Variants in NKAIN3 observed in about 807,000 individuals in gnomAD.
NKAIN3 encodes sodium/potassium transporting ATPase interacting 3, also known as sodium/potassium-transporting ATPase subunit beta-1-interacting protein 3.
In NKAIN3, 25 loss-of-function variants were observed where a neutral mutation model predicts 30.2. That is an observed-to-expected ratio of 0.83 (90% CI 0.60 to 1.16). The LOEUF (loss-of-function observed/expected upper bound fraction) is 1.16, where lower values mean the gene tolerates loss of function less well. Ranked by LOEUF, NKAIN3 falls within the 50% of genes most tolerant of loss-of-function variation. The pLI is 0.00. For synonymous variants in NKAIN3, 91 were observed against 89.6 expected (o/e 1.02, Z -0.09); for missense variants, 225 against 254.1 (o/e 0.89, Z 0.78).
At chr8:62,760,777 T>G (rs115357742) in intron 4 of NKAIN3, among the ~76,000 whole-genome samples, 2,534 of 151,496 alleles carry the variant, frequency 0.017, 66 homozygotes, top group African/African-American at 0.059. Context: ...AAAGTATAAT[T>G]TAAAAAAAGG....
chr8:62,533,875 A>C (rs1808561847), intron 1 of NKAIN3, among the ~76,000 whole-genome samples: 1 of 152,184 alleles, frequency 6.6e-6, no homozygotes, highest in Non-Finnish European at 1.5e-5. Context: ...CTTATTCTGC[A>C]ATATCATCCA....
chr8:62,249,137 C>A lies in NKAIN3; in HGVS notation c.54+10C>A, dbSNP rs1428980066. 1 of 1,532,158 alleles carries A rather than the reference C, an allele frequency of 6.5e-7. No individual in the cohort carries two copies. Among genetic ancestry groups the A allele is most frequent in the Admixed American group, 2.0e-5 (1 of 49,994 alleles). The allele number at this position is 1,532,158 out of a possible 1,614,324, so 94.9% of individuals were successfully genotyped here. A position where few individuals can be genotyped will look rare whatever the true frequency, so the allele number is the denominator to read the frequency against. ...CTGCGCGCTGCAGTTGGTGAGTGCC[C>A]CGAGGGCCCCTGCCCCAGGACAGGT... On this transcript the variant is annotated intron_variant, in intron 1 of 6. Transcript: ENST00000623646.
At chr8:62,316,152 C>G (rs1434067526) in intron 1 of NKAIN3, among the ~76,000 whole-genome samples, 1 of 152,076 alleles carries the variant, frequency 6.6e-6, no homozygotes, top group African/African-American at 2.4e-5. Context: ...GAGGCCTCCC[C>G]AGCCCTACAG....
chr8:62,384,958 A>C (rs1350639076), intron 1 of NKAIN3, among the ~76,000 whole-genome samples: 1 of 151,966 alleles, frequency 6.6e-6, no homozygotes, highest in African/African-American at 2.4e-5. Flanking sequence ...ACTACACAGA[A>C]CTCCTGCTTG....
chr8:62,889,211 A>C (rs1362709158), intron 4 of NKAIN3, among the ~76,000 whole-genome samples: 1 of 152,042 alleles, frequency 6.6e-6, no homozygotes, highest in Non-Finnish European at 1.5e-5. Context: ...TCTACTAAAA[A>C]TGCAAAAAAT....
chr8:62,492,651 C>T (rs549107544), intron 1 of NKAIN3, among the ~76,000 whole-genome samples: 1 of 152,238 alleles, frequency 6.6e-6, no homozygotes, highest in Admixed American at 6.5e-5. Context: ...GTGGAAATGT[C>T]AGCAATACAA....
At chr8:62,376,165 A>G (rs1424324996) in intron 1 of NKAIN3, among the ~76,000 whole-genome samples, 1 of 152,178 alleles carries the variant, frequency 6.6e-6, no homozygotes, top group Non-Finnish European at 1.5e-5. Context: ...AGACACAGGG[A>G]GCTTCTCTGA....
intron 5 of NKAIN3, chr8:62,990,298 G>A: frequency 1.4e-6 from 2 of 1,433,642 alleles, no homozygotes; most frequent in African/African-American, 2.9e-5. Flanking sequence ...CCTAAGAACT[G>A]AGGTGATGCA....
At chr8:62,826,005 A>G (rs565456871) in intron 4 of NKAIN3, among the ~76,000 whole-genome samples, 2 of 152,306 alleles carry the variant, frequency 1.3e-5, no homozygotes, top group South Asian at 2.1e-4. Context: ...AGTTCTAACA[A>G]GTGCCTCACT....
intron 1 of NKAIN3, among the ~76,000 whole-genome samples, chr8:62,299,180 G>A (rs985789357): frequency 1.3e-5 from 2 of 151,952 alleles, no homozygotes; most frequent in African/African-American, 4.8e-5. Flanking sequence ...AAAATTTGTT[G>A]TTCTATCATT....
intron 6 of NKAIN3, among the ~76,000 whole-genome samples, chr8:62,954,977 G>T (rs1052117739): frequency 2.6e-5 from 4 of 152,132 alleles, no homozygotes; most frequent in African/African-American, 9.7e-5. Flanking sequence ...GGCGATAGAA[G>T]AAATTATGTA....
At chr8:62,756,853 C>G (rs893735783) in intron 4 of NKAIN3, among the ~76,000 whole-genome samples, 3 of 152,138 alleles carry the variant, frequency 2.0e-5, no homozygotes, top group Non-Finnish European at 4.4e-5. Context: ...TATGCCATCG[C>G]TAAACAACAG....
At chr8:62,986,690 C>T (rs1824206377), downstream of NKAIN3, among the ~76,000 whole-genome samples, 1 of 152,170 alleles carries the variant, frequency 6.6e-6, no homozygotes, top group South Asian at 2.1e-4. Context: ...ACTGCCATTG[C>T]ATTTATTATG....
intron 4 of NKAIN3, among the ~76,000 whole-genome samples, chr8:62,915,234 G>C (rs1442729192): frequency 6.6e-6 from 1 of 152,122 alleles, no homozygotes; most frequent in Non-Finnish European, 1.5e-5. Context: ...ATAAATCATT[G>C]CACATGGCAA....
intron 1 of NKAIN3, among the ~76,000 whole-genome samples, chr8:62,566,694 C>T (rs775659205): frequency 1.3e-5 from 2 of 152,010 alleles, no homozygotes; most frequent in Non-Finnish European, 2.9e-5. Context: ...CTCTGGACTC[C>T]AGAGACACCA....
intron 1 of NKAIN3, among the ~76,000 whole-genome samples, chr8:62,429,809 T>A (rs1217182610): frequency 6.6e-6 from 1 of 151,922 alleles, no homozygotes; most frequent in African/African-American, 2.4e-5. Context: ...ACCAATTTTT[T>A]AATTATTTTT....
intron 4 of NKAIN3, among the ~76,000 whole-genome samples, chr8:62,884,755 G>A (rs1821093717): frequency 6.6e-6 from 1 of 152,074 alleles, no homozygotes; most frequent in Non-Finnish European, 1.5e-5. Context: ...GGTTTATCTA[G>A]GTGGTCCAAT....
intron 1 of NKAIN3, among the ~76,000 whole-genome samples, chr8:62,253,663 T>C (rs1167604915): frequency 6.6e-6 from 1 of 152,210 alleles, no homozygotes; most frequent in Non-Finnish European, 1.5e-5. Flanking sequence ...AAACGAAGTT[T>C]AGTTAACTTC....
At chr8:62,388,176 A>G (rs987358346) in intron 1 of NKAIN3, among the ~76,000 whole-genome samples, 2 of 152,238 alleles carry the variant, frequency 1.3e-5, no homozygotes, top group African/African-American at 4.8e-5. Flanking sequence ...GTGAATCAAC[A>G]TTTACATTCC....
Sources: gnomAD v4.1 joint callset for allele counts (sites outside exome capture counted in the v4.1 genomes callset) on GRCh38, gnomAD v4.1.1 for gene constraint, MANE v1.5 for transcripts, NCBI Gene and HGNC (gene_info 2026-07-23, HGNC 2026-07-21) for gene names.